Variants in XKR9 observed in about 807,000 individuals in gnomAD.
XKR9 encodes XK related 9, also known as XK-related protein 9.
XKR9 carries 32 observed loss-of-function variants against 32.0 expected under a neutral mutation model. The ratio of observed to expected loss-of-function variants is 1.00; its 90% CI spans 0.76 to 1.34. The LOEUF is 1.34. XKR9 is among the 40% of genes most tolerant of loss of function. The probability of loss-of-function intolerance (pLI) is 0.00; values close to 1 mark genes in which losing one functional copy is unlikely to be tolerated. For missense variants in XKR9, 546 were observed against 429.7 expected (o/e 1.27, Z -2.39); for synonymous variants, 168 against 143.4 (o/e 1.17, Z -1.22).
the XKR9 span, among the ~76,000 whole-genome samples, chr8:70,890,045 A>G: frequency 6.6e-6 from 1 of 152,012 alleles, no homozygotes; most frequent in East Asian, 1.9e-4. Flanking sequence ...CAACCAGTGT[A>G]TCAGCATTGA....
the XKR9 span, among the ~76,000 whole-genome samples, chr8:70,954,044 T>A: frequency 0.012 from 1,779 of 151,458 alleles, 38 homozygotes; most frequent in African/African-American, 0.039. Context: ...AAATTTTTTT[T>A]AAAAAAAAAC....
At chr8:70,851,319 G>T in the XKR9 span, among the ~76,000 whole-genome samples, 3 of 152,108 alleles carry the variant, frequency 2.0e-5, no homozygotes, top group Non-Finnish European at 4.4e-5. Flanking sequence ...CATATTCATG[G>T]ATAGGAAGAA....
intron 1 of XKR9, among the ~76,000 whole-genome samples, chr8:70,670,918 C>T (rs1048985730): frequency 4.6e-5 from 7 of 152,176 alleles, no homozygotes; most frequent in Non-Finnish European, 7.3e-5. Context: ...TTTTTAAGAA[C>T]TCTGCTGGAA....
At chr8:70,830,376 T>C in the XKR9 span, among the ~76,000 whole-genome samples, 1 of 151,442 alleles carries the variant, frequency 6.6e-6, no homozygotes, top group African/African-American at 2.4e-5. Context: ...AGCCAAAGAG[T>C]TCGAGACCTG....
chr8:70,890,741 G>A, the XKR9 span, among the ~76,000 whole-genome samples: 1 of 151,830 alleles, frequency 6.6e-6, no homozygotes, highest in South Asian at 2.1e-4. Flanking sequence ...TATCATCAGG[G>A]ATATTGTCCT....
At chr8:70,877,164 G>T in the XKR9 span, among the ~76,000 whole-genome samples, 1 of 152,176 alleles carries the variant, frequency 6.6e-6, no homozygotes, top group Admixed American at 6.5e-5. Flanking sequence ...GTTTTCCTTT[G>T]AAAACCATCA....
chr8:70,992,979 G>T, the XKR9 span, among the ~76,000 whole-genome samples: 2 of 152,202 alleles, frequency 1.3e-5, no homozygotes, highest in Non-Finnish European at 2.9e-5. Flanking sequence ...TCTTCCCTTT[G>T]TTCTGGCAGC....
the XKR9 span, among the ~76,000 whole-genome samples, chr8:70,937,251 G>A: frequency 6.6e-6 from 1 of 151,956 alleles, no homozygotes; most frequent in African/African-American, 2.4e-5. Context: ...GTTTACTAAA[G>A]TTTAAGATAT....
chr8:70,919,136 A>G, the XKR9 span, among the ~76,000 whole-genome samples: 1 of 152,160 alleles, frequency 6.6e-6, no homozygotes. Context: ...TGGGGCTAGA[A>G]TCAGACATTT....
At chr8:70,718,524 A>G (rs906067882) in intron 4 of XKR9, among the ~76,000 whole-genome samples, 1 of 151,910 alleles carries the variant, frequency 6.6e-6, no homozygotes, top group Non-Finnish European at 1.5e-5. Context: ...CCCTGTGTCC[A>G]TGTGTTCTCT....
intron 2 of XKR9, among the ~76,000 whole-genome samples, chr8:70,747,490 T>C (rs781039000): frequency 2.0e-5 from 3 of 152,198 alleles, no homozygotes; most frequent in Non-Finnish European, 2.9e-5. Context: ...TGAGCTAGCA[T>C]AGTCAGCCCC....
Position 70,707,091 on chromosome 8 carries a change from G to A in XKR9, c.431G>A (p.Cys144Tyr), listed in dbSNP as rs1805747003. Residue 144 changes from cysteine to tyrosine, a missense_variant, in exon 4 of 5, where the codon TGC (cysteine) becomes TAC (tyrosine). Coordinates refer to ENST00000408926, the MANE Select transcript of XKR9 (RefSeq NM_001011720.2). The stretch of plus-strand genomic sequence containing the variant: ...CTATTTGAGACCTACCTGGAAGGCT[G>A]CCCACAACTTATTCTTCAACTCTAC... ...LRLFETYLEG[C>Y]PQLILQLYIL... 1 of 1,613,366 alleles carries A rather than the reference G, an allele frequency of 6.2e-7. No individual in the cohort carries two copies. The highest frequency in any genetic ancestry group is 8.5e-7 in the Non-Finnish European group (1 of 1,179,464).
intron 3 of XKR9, among the ~76,000 whole-genome samples, chr8:70,702,805 TC>T (rs1805585071): frequency 6.6e-6 from 1 of 152,106 alleles, no homozygotes; most frequent in Non-Finnish European, 1.5e-5. Context: ...TTAAAGAGAG[TC>T]CCTTCTAAAA....
At chr8:71,062,532 G>A in the XKR9 span, among the ~76,000 whole-genome samples, 7 of 152,122 alleles carry the variant, frequency 4.6e-5, no homozygotes, top group Admixed American at 1.3e-4. Context: ...AATCTGGCGG[G>A]AGCAGGGAGA....
the XKR9 span, among the ~76,000 whole-genome samples, chr8:70,815,508 A>T: frequency 1.5e-5 from 1 of 66,816 alleles, no homozygotes. Context: ...TCATTCCTTT[A>T]TTTTATTTAT....
the XKR9 span, among the ~76,000 whole-genome samples, chr8:70,971,327 G>A: frequency 6.6e-6 from 1 of 151,346 alleles, no homozygotes; most frequent in African/African-American, 2.4e-5. Flanking sequence ...TTTTCTTGCT[G>A]GTTTTTTTGA....
At chr8:70,848,572 G>T in the XKR9 span, among the ~76,000 whole-genome samples, 4 of 152,074 alleles carry the variant, frequency 2.6e-5, no homozygotes, top group African/African-American at 9.6e-5. Context: ...ACTGTTGGAA[G>T]TAATAAATAC....
At chr8:70,704,810 G>A (rs17760497) in intron 3 of XKR9, among the ~76,000 whole-genome samples, 61,242 of 151,978 alleles carry the variant, frequency 0.4, 13,910 homozygotes, top group Non-Finnish European at 0.52. Context: ...GCTAAAACAC[G>A]ACTTTTCTTA....
intron 3 of XKR9, among the ~76,000 whole-genome samples, chr8:70,700,778 G>A (rs912347695): frequency 2.6e-5 from 4 of 152,342 alleles, no homozygotes; most frequent in South Asian, 2.1e-4. Context: ...TCTGTGCCCT[G>A]CCTCCAGAGG....
Sources: gnomAD v4.1 joint callset for allele counts (sites outside exome capture counted in the v4.1 genomes callset) on GRCh38, gnomAD v4.1.1 for gene constraint, MANE v1.5 for transcripts, NCBI Gene and HGNC (gene_info 2026-07-23, HGNC 2026-07-21) for gene names.